GALNT9: variants seen among roughly 807,000 people sequenced by gnomAD.
The protein encoded by GALNT9 is polypeptide N-acetylgalactosaminyltransferase 9, also known as GalNAc transferase 9.
Under a neutral mutation model 63.1 loss-of-function variants are expected in GALNT9, and 47 were observed. The observed-to-expected ratio is 0.75, with a 90% CI of 0.59 to 0.95. The LOEUF is 0.95. GALNT9 is among the 40% of genes least tolerant of loss of function. GALNT9 has a pLI of 0.00. For missense variants in GALNT9, 829 were observed against 874.8 expected (o/e 0.95, Z 0.66); for synonymous variants, 396 against 365.7 (o/e 1.08, Z -0.94).
chr12:132,288,631 G>A (rs900081202), intron 1 of GALNT9, among the ~76,000 whole-genome samples: 3 of 150,754 alleles, frequency 2.0e-5, no homozygotes, highest in Admixed American at 1.3e-4. Context: ...CCCAGCGTTG[G>A]GGGCAGGAGG....
At chr12:132,291,213 ACCCACATCCACAGCG>A (rs1337798175) in intron 1 of GALNT9, among the ~76,000 whole-genome samples, 1 of 35,786 alleles carries the variant, frequency 2.8e-5, no homozygotes, top group African/African-American at 1.8e-4. Context: ...CGTCCACACC[ACCCACATCCACAGCG>A]CCCACGTCCA....
chr12:132,269,376 G>A (rs1367658016), intron 2 of GALNT9, among the ~76,000 whole-genome samples: 5 of 152,250 alleles, frequency 3.3e-5, no homozygotes, highest in African/African-American at 9.6e-5. Context: ...TCCGAGGAGC[G>A]GGACCGCCAG....
At chr12:132,287,241 C>T (rs764069758) in intron 1 of GALNT9, among the ~76,000 whole-genome samples, 9 of 152,224 alleles carry the variant, frequency 5.9e-5, no homozygotes, top group Non-Finnish European at 8.8e-5. Context: ...CACACGTTCA[C>T]GCCCAGGCGC....
intron 1 of GALNT9, among the ~76,000 whole-genome samples, chr12:132,297,526 C>A (rs1489682829): frequency 6.0e-5 from 9 of 151,160 alleles, no homozygotes; most frequent in African/African-American, 1.9e-4. Flanking sequence ...GCCACTCCCA[C>A]AATAACCAAT....
chr12:132,208,699 C>T (rs1876829122), intron 6 of GALNT9, among the ~76,000 whole-genome samples: 1 of 152,200 alleles, frequency 6.6e-6, no homozygotes, highest in South Asian at 2.1e-4. Flanking sequence ...CAGCTGAGAG[C>T]AGAGCCGCTC....
chr12:132,262,994 C>A (rs1386960319), intron 2 of GALNT9, among the ~76,000 whole-genome samples: 4 of 152,086 alleles, frequency 2.6e-5, no homozygotes, highest in South Asian at 4.2e-4. Flanking sequence ...CTCACAGCGA[C>A]CCCGAGAGGA....
chr12:132,198,248 G>A (rs1367830550), intron 9 of GALNT9, among the ~76,000 whole-genome samples: 2 of 152,274 alleles, frequency 1.3e-5, no homozygotes, highest in African/African-American at 4.8e-5. Context: ...CAGACCCAGA[G>A]CGCGGCCCCA....
At chr12:132,259,947 T>TGGTGCAGGGAACACCCTGAGCATTGTG (rs1556512902) in intron 4 of GALNT9, among the ~76,000 whole-genome samples, 1 of 94,438 alleles carries the variant, frequency 1.1e-5, no homozygotes, top group African/African-American at 5.5e-5. Flanking sequence ...GTCCTGGCCC[T>TGGTGCAGGGAACACCCTGAGCATTGTG]GGTGCGGGGA....
chr12:132,267,944 C>T (rs1394413850), intron 2 of GALNT9, among the ~76,000 whole-genome samples: 1 of 150,350 alleles, frequency 6.7e-6, no homozygotes, highest in Non-Finnish European at 1.5e-5. Context: ...CACACACGCA[C>T]TCACATACAG....
chr12:132,302,932 T>C (rs1306159036), intron 1 of GALNT9, among the ~76,000 whole-genome samples: 2 of 151,162 alleles, frequency 1.3e-5, no homozygotes, highest in Admixed American at 1.3e-4. Context: ...AGTGGTCAGG[T>C]TTTCTATGCA....
In GALNT9 at chr12:132,240,872, C is replaced by A. The variant is rs1361878860; in HGVS notation, c.1077+7038G>T. 7.9e-6 allele frequency: 3 copies of A among 381,044 alleles called. No individual in the cohort carries two copies. In the East Asian group the frequency reaches 2.2e-4, roughly 28 times the overall value. 23.6% of individuals were successfully genotyped at this position (381,044 alleles called of 1,614,324 possible). On this transcript the variant is annotated intron_variant, in intron 6 of 10. Coordinates refer to ENST00000328957, the MANE Select transcript of GALNT9 (RefSeq NM_001122636.2). Reference sequence around the variant, plus strand: ...ACCACACCCCCTTCCCAGGGCCGTCCCTATACCCATTACACACACACCACA... The same window carrying A: ...ACCACACCCCCTTCCCAGGGCCGTCACTATACCCATTACACACACACCACA...
intron 4 of GALNT9, among the ~76,000 whole-genome samples, chr12:132,259,858 A>C (rs1879296596): frequency 6.6e-6 from 1 of 152,164 alleles, no homozygotes; most frequent in Non-Finnish European, 1.5e-5. Flanking sequence ...GTTGATATTA[A>C]ATCTTCAGTT....
At position 132,316,841 on chromosome 12, in the gene GALNT9, T is replaced by C. The variant is rs1418323491; in HGVS notation, c.238+12125A>G. On this transcript the variant is annotated intron_variant, in intron 1 of 10. Coordinates refer to ENST00000328957, the MANE Select transcript of GALNT9 (RefSeq NM_001122636.2). The surrounding 1 kb of genome is among the most constrained non-coding windows in gnomAD (Gnocchi z 4.3). ...TTTGGCTGTCACACCTGGGGAGGGG[T>C]GGGGCAGCTACCAGCATCTAGTGGT... Among the ~76,000 whole-genome samples the C allele has an allele frequency of 6.6e-6, 1 of 151,476 alleles. No homozygotes were observed. Among genetic ancestry groups the C allele is most frequent in the Non-Finnish European group, 1.5e-5 (1 of 67,876 alleles).
chr12:132,324,160 G>A (rs1371321157), intron 1 of GALNT9, among the ~76,000 whole-genome samples: 1 of 152,030 alleles, frequency 6.6e-6, no homozygotes, highest in Non-Finnish European at 1.5e-5. Context: ...AAACGCTTAC[G>A]CAGAGCAGAG....
At chr12:132,308,049 CA>C (rs1566020920) in intron 1 of GALNT9, among the ~76,000 whole-genome samples, 3 of 138,678 alleles carry the variant, frequency 2.2e-5, no homozygotes, top group Non-Finnish European at 3.2e-5. Context: ...AAAAAAAAAA[CA>C]AAAAAACACA....
At chr12:132,276,009 G>A (rs1413165336) in intron 2 of GALNT9, among the ~76,000 whole-genome samples, 1 of 152,254 alleles carries the variant, frequency 6.6e-6, no homozygotes, top group Admixed American at 6.5e-5. Flanking sequence ...CATCGAGCCG[G>A]CTCTGCCCCG....
Position 132,296,208 on chromosome 12 carries a change from C to T in GALNT9, c.239-9778G>A, listed in dbSNP as rs994521371. 7.9e-5 allele frequency among the ~76,000 whole-genome samples: 12 copies of T among 152,256 alleles called. No individual in the cohort carries two copies. Among genetic ancestry groups the T allele is most frequent in the African/African-American group, 2.7e-4 (11 of 41,466 alleles). On this transcript the variant is annotated intron_variant, in intron 1 of 10. Coordinates refer to ENST00000328957, the MANE Select transcript of GALNT9 (RefSeq NM_001122636.2). The surrounding 1 kb of genome is among the most constrained non-coding windows in gnomAD (Gnocchi z 4.2). ...ACGGCCTCCGAACAGGGAGAGTGTC[C>T]GTTTCTGTTGGTCTAAGCCACGCAG...
At chr12:132,197,674 A>G (rs1357950733) in intron 10 of GALNT9, 118 bp downstream of exon 10, 3 of 768,916 alleles carry the variant, frequency 3.9e-6, no homozygotes, top group Non-Finnish European at 6.3e-6. Flanking sequence ...TCCCCTGACC[A>G]CCCCCTGCCG....
chr12:132,285,380 G>A (rs908660450), intron 2 of GALNT9, among the ~76,000 whole-genome samples: 2 of 152,278 alleles, frequency 1.3e-5, no homozygotes, highest in Admixed American at 1.3e-4. Context: ...CAGGCCCAGA[G>A]GCCAAGCTCA....
Sources: allele counts gnomAD v4.1 joint callset (sites outside exome capture counted in the v4.1 genomes callset), GRCh38; gene constraint gnomAD v4.1.1; non-coding constraint Gnocchi (gnomAD v3.1); transcripts MANE v1.5; gene names NCBI Gene and HGNC (gene_info 2026-07-23, HGNC 2026-07-21).